The following TENM1 variants were observed in gnomAD, a reference collection of about 807,000 sequenced individuals.
TENM1 encodes the protein teneurin-1.
A neutral mutation model predicts 174.8 loss-of-function variants in TENM1; 35 were observed. That is an observed-to-expected ratio of 0.20 (90% CI 0.15 to 0.27). The LOEUF is 0.27. TENM1 is among the 10% of genes least tolerant of loss of function. The pLI is 1.00. For synonymous variants in TENM1, 781 were observed against 798.7 expected (o/e 0.98, Z 0.37); for missense variants, 1,633 against 2,130.1 (o/e 0.77, Z 4.59).
chrX:124,381,133 T>C, exon 32 of TENM1: 2 of 1,211,084 alleles, frequency 1.7e-6, no homozygotes, highest in Non-Finnish European at 2.2e-6. Context: ...TGATGGCAAA[T>C]TTTATACCTT....
chrX:124,380,402 T>C lies in TENM1; in HGVS notation c.*134A>G, dbSNP rs903431575. The C allele has an allele frequency of 3.0e-5, 16 of 535,807 alleles. No individual in the cohort carries two copies. In the South Asian group the frequency reaches 5.5e-4, roughly 18 times the overall value. 44.2% of individuals were successfully genotyped at this position (535,807 alleles called of 1,213,427 possible). A position where few individuals can be genotyped will look rare whatever the true frequency, so the allele number is the denominator to read the frequency against. On this transcript the variant is annotated 3_prime_UTR_variant, in exon 32 of 32. Transcript: ENST00000422452. ...TATTAAAATACCATCTTCCGTCACA[T>C]TGAAAGGCAGTTGGATATGTTTTTC...
intron 4 of TENM1, among the ~76,000 whole-genome samples, chrX:124,731,437 C>G (rs999752287): frequency 3.6e-5 from 4 of 111,679 alleles, no homozygotes; most frequent in African/African-American, 1.3e-4. Context: ...AAAATTCTAT[C>G]CCAGAGTGGT....
chrX:124,983,782 A>G, the TENM1 span, among the ~76,000 whole-genome samples: 2 of 110,339 alleles, frequency 1.8e-5, no homozygotes, highest in African/African-American at 6.6e-5. Context: ...CACCATGCCC[A>G]GCTAATTTTT....
At chrX:124,866,586 T>C (rs904011365) in intron 3 of TENM1, among the ~76,000 whole-genome samples, 1 of 110,923 alleles carries the variant, frequency 9.0e-6, no homozygotes, top group East Asian at 2.8e-4. Flanking sequence ...AATCTAACCA[T>C]GCATTTTAAG....
intron 4 of TENM1, among the ~76,000 whole-genome samples, chrX:124,727,591 A>T: frequency 8.9e-6 from 1 of 111,988 alleles, no homozygotes; most frequent in Admixed American, 9.5e-5. Context: ...TCCTGACAGA[A>T]ATAAGCACCT....
chrX:125,136,442 C>A, the TENM1 span, among the ~76,000 whole-genome samples: 1 of 111,733 alleles, frequency 8.9e-6, no homozygotes, highest in South Asian at 3.7e-4. Flanking sequence ...TAAGTGAGTT[C>A]TATTATTTTA....
rs772495985 is a variant in TENM1, at chrX:124,916,814, C to A, written c.218-20573G>T. Among the ~76,000 whole-genome samples, 3 of 109,063 alleles carry A rather than the reference C, an allele frequency of 2.8e-5. No homozygotes were observed. The Admixed American group carries it at 3.0e-4, about 11-fold the overall frequency. The allele number at this position is 109,063 out of a possible 115,157, so 94.7% of individuals were successfully genotyped here. ...TCTCTCTCTCTCTCTTTCTACCTTT[C>A]CACTCCTCATCTTTGCCCTTCTGCC... On this transcript the variant is annotated intron_variant, in intron 1 of 31. Coordinates refer to ENST00000422452, the Ensembl canonical transcript of TENM1.
At chrX:124,818,758 T>C (rs1313298183) in intron 3 of TENM1, among the ~76,000 whole-genome samples, 1 of 111,563 alleles carries the variant, frequency 9.0e-6, no homozygotes, top group Admixed American at 9.6e-5. Flanking sequence ...TGTGGTAGGA[T>C]TTGGTTTGAG....
intron 5 of TENM1, among the ~76,000 whole-genome samples, chrX:124,691,315 A>C (rs1355792987): frequency 1.8e-5 from 2 of 112,312 alleles, no homozygotes; most frequent in African/African-American, 6.5e-5. Context: ...GAAAAGAAAA[A>C]GAAAATGGAA....
rs192982625 is a variant in TENM1 at position 124,546,672 on chromosome X, T to A, written c.2651+202A>T. Among the ~76,000 whole-genome samples the A allele has an allele frequency of 1.6e-4, 18 of 112,012 alleles. No individual in the cohort carries two copies. In the East Asian group the frequency reaches 3.9e-3, roughly 24 times the overall value. On this transcript the variant is annotated intron_variant, in intron 15 of 31. Coordinates refer to ENST00000422452, the Ensembl canonical transcript of TENM1. ...ATATACATACACAAACATACACACA[T>A]AATTTTATGATACAGAATCTCTAGA...
chrX:124,494,238 C>T (rs556829387), intron 20 of TENM1, among the ~76,000 whole-genome samples: 2 of 111,978 alleles, frequency 1.8e-5, no homozygotes, highest in South Asian at 7.5e-4. Context: ...AATGTCTATG[C>T]TCTTCTAGTC....
At chrX:124,674,553 G>A (rs1440046447) in intron 5 of TENM1, among the ~76,000 whole-genome samples, 1 of 110,855 alleles carries the variant, frequency 9.0e-6, no homozygotes, top group Non-Finnish European at 1.9e-5. Flanking sequence ...CATTTAACTG[G>A]TTTCTACCCT....
exon 32 of TENM1, chrX:124,381,072 T>C (rs1423757823): frequency 8.3e-7 from 1 of 1,210,456 alleles, no homozygotes; most frequent in Non-Finnish European, 1.1e-6. Context: ...GCAAGCCGCC[T>C]GCTATCTTCA....
At chrX:124,503,594 A>G in exon 19 of TENM1, 1 of 1,207,297 alleles carries the variant, frequency 8.3e-7, no homozygotes, top group African/African-American at 1.7e-5. Context: ...GCTTATTCAA[A>G]GACCAGCCTC....
chrX:124,716,751 C>T (rs759991190), intron 4 of TENM1, among the ~76,000 whole-genome samples: 22 of 111,369 alleles, frequency 2.0e-4, no homozygotes, highest in South Asian at 3.8e-4. Flanking sequence ...TATGATCTTC[C>T]GGGTACACGC....
At chrX:124,520,998 A>G (rs537751707) in intron 17 of TENM1, among the ~76,000 whole-genome samples, 61 of 111,349 alleles carry the variant, frequency 5.5e-4, no homozygotes, top group South Asian at 5.4e-3. Context: ...ACAAGACCCA[A>G]CCTTAAGGAT....
intron 11 of TENM1, among the ~76,000 whole-genome samples, chrX:124,608,941 C>T (rs979617791): frequency 4.5e-5 from 5 of 110,494 alleles, no homozygotes; most frequent in African/African-American, 9.9e-5. Flanking sequence ...ATTTTTGCAG[C>T]GCAAAAATCT....
chrX:124,719,094 GA>G (rs1455667017), intron 4 of TENM1, among the ~76,000 whole-genome samples: 2 of 111,389 alleles, frequency 1.8e-5, no homozygotes, highest in African/African-American at 6.5e-5. Flanking sequence ...CATCCAATTG[GA>G]ACGTGAAGTT....
At chrX:124,766,764 GA>G (rs1406920727) in intron 3 of TENM1, among the ~76,000 whole-genome samples, 1 of 110,709 alleles carries the variant, frequency 9.0e-6, no homozygotes, top group Admixed American at 9.7e-5. Context: ...TGCTTTTGTG[GA>G]AAAAAATGCT....
Sources: gnomAD v4.1 joint callset for allele counts (sites outside exome capture counted in the v4.1 genomes callset) on GRCh38, gnomAD v4.1.1 for gene constraint, MANE v1.5 for transcripts, NCBI Gene and HGNC (gene_info 2026-07-23, HGNC 2026-07-21) for gene names.